The following STPG2 variants were observed in gnomAD, a reference collection of about 807,000 sequenced individuals.
STPG2 encodes sperm tail PG-rich repeat containing 2.
In STPG2, 56 loss-of-function variants were observed where a neutral mutation model predicts 54.2. The ratio of observed to expected loss-of-function variants is 1.03; its 90% CI spans 0.83 to 1.29. The LOEUF is 1.29. STPG2 is among the 50% of genes most tolerant of loss of function. The pLI is 0.00. For missense variants in STPG2, 596 were observed against 544.9 expected (o/e 1.09, Z -0.93); for synonymous variants, 200 against 181.8 (o/e 1.10, Z -0.81).
chr4:97,730,797 A>C (rs528208572), intron 9 of STPG2, among the ~76,000 whole-genome samples: 5 of 152,208 alleles, frequency 3.3e-5, no homozygotes, highest in Admixed American at 1.3e-4. Flanking sequence ...GCTTGTTCTA[A>C]TCTGTTATTA....
chr4:97,984,325 A>T (rs891662446), intron 5 of STPG2, among the ~76,000 whole-genome samples: 3 of 152,130 alleles, frequency 2.0e-5, no homozygotes, highest in African/African-American at 7.2e-5. Flanking sequence ...TTGTATTTTT[A>T]GTAGAGACTG....
At chr4:97,619,468 T>C (rs529469706) in intron 10 of STPG2, among the ~76,000 whole-genome samples, 18 of 152,240 alleles carry the variant, frequency 1.2e-4, no homozygotes, top group African/African-American at 4.1e-4. Context: ...TAGAGAACTA[T>C]TATATGTTTT....
chr4:97,449,291 C>G (rs1729307406), intron 4 of STPG2, among the ~76,000 whole-genome samples: 1 of 152,078 alleles, frequency 6.6e-6, no homozygotes, highest in Admixed American at 6.5e-5. Context: ...CAGATATTGA[C>G]TTTCCAGATG....
chr4:98,006,679 A>G (rs1251304823), intron 5 of STPG2, among the ~76,000 whole-genome samples: 1 of 152,192 alleles, frequency 6.6e-6, no homozygotes, highest in Non-Finnish European at 1.5e-5. Context: ...GGACAAGAAC[A>G]GGAAGAGATT....
chr4:97,784,188 G>T (rs1007581354), intron 9 of STPG2, among the ~76,000 whole-genome samples: 10 of 151,812 alleles, frequency 6.6e-5, no homozygotes, highest in African/African-American at 2.4e-4. Context: ...AGCCAAAAAT[G>T]AAGATTATAT....
chr4:97,475,214 A>G (rs1730040641), intron 4 of STPG2, among the ~76,000 whole-genome samples: 1 of 151,880 alleles, frequency 6.6e-6, no homozygotes, highest in Non-Finnish European at 1.5e-5. Flanking sequence ...TTAGCACTGA[A>G]TGTTTTCATT....
intron 8 of STPG2, among the ~76,000 whole-genome samples, chr4:97,920,469 C>CTTATCACACACAATTG (rs1293211295): frequency 5.9e-5 from 9 of 152,116 alleles, no homozygotes; most frequent in African/African-American, 2.2e-4. Context: ...ACTGGGGTGA[C>CTTATCACACACAATTG]TTATCACAAT....
In STPG2 at chr4:98,038,817, A is replaced by G. The variant is rs559501090; in HGVS notation, c.613-57499T>C. Among the ~76,000 whole-genome samples the G allele has an allele frequency of 1.4e-4, 22 of 152,234 alleles. No homozygotes were observed. In the East Asian group the frequency reaches 3.7e-3, roughly 25 times the overall value. On this transcript the variant is annotated intron_variant, in intron 5 of 10. Transcript: ENST00000295268. ...ACATTAGGACTGGTATCCAGAATACATAACAACTGCCTAAAAATCAACAGG... is the reference window on the plus strand; with the variant it reads ...ACATTAGGACTGGTATCCAGAATACGTAACAACTGCCTAAAAATCAACAGG...
intron 5 of STPG2, chr4:98,025,404 T>C (rs1350684713): frequency 5.3e-6 from 2 of 376,116 alleles, no homozygotes; most frequent in Admixed American, 3.2e-5. Context: ...GTTAAAGTTG[T>C]TAAGAATAAG....
intron 10 of STPG2, among the ~76,000 whole-genome samples, chr4:97,695,758 A>C (rs1723549511): frequency 6.6e-6 from 1 of 152,024 alleles, no homozygotes; most frequent in Non-Finnish European, 1.5e-5. Flanking sequence ...AGATGGAAAA[A>C]AAAAAAAAGA....
At chr4:97,985,227 T>C (rs1478148383) in intron 5 of STPG2, among the ~76,000 whole-genome samples, 1 of 152,212 alleles carries the variant, frequency 6.6e-6, no homozygotes, top group African/African-American at 2.4e-5. Context: ...TTTTCAACCA[T>C]GGCTGCTTAT....
At chr4:97,949,310 C>T (rs947258059) in intron 7 of STPG2, among the ~76,000 whole-genome samples, 2 of 151,984 alleles carry the variant, frequency 1.3e-5, no homozygotes, top group African/African-American at 4.8e-5. Context: ...ATATAAATCC[C>T]TCAATGTTAG....
At chr4:98,020,959 C>T (rs1316564522) in intron 5 of STPG2, among the ~76,000 whole-genome samples, 2 of 151,970 alleles carry the variant, frequency 1.3e-5, no homozygotes, top group Non-Finnish European at 2.9e-5. Flanking sequence ...TTGATCTTTT[C>T]AAAAAACCAG....
intron 5 of STPG2, among the ~76,000 whole-genome samples, chr4:97,984,760 T>C (rs913158899): frequency 8.5e-5 from 13 of 152,144 alleles, no homozygotes; most frequent in Non-Finnish European, 1.9e-4. Flanking sequence ...GATGCTGCGC[T>C]ACTTGGGACA....
rs1475223611 is a variant in STPG2 at position 97,870,322 on chromosome 4, A to C, written c.1045-29390T>G. Among the ~76,000 whole-genome samples, 4 of 151,628 alleles carry C rather than the reference A, an allele frequency of 2.6e-5. No homozygotes were observed. In the Admixed American group the frequency reaches 2.6e-4, roughly 10 times the overall value. On this transcript the variant is annotated intron_variant, in intron 8 of 10. Coordinates refer to ENST00000295268, the MANE Select transcript of STPG2 (RefSeq NM_174952.3). ...TAGAAACTACATATATTACTCACAG[A>C]AATAAATGTGAATAAACTTAACTCA... is the stretch of plus-strand genomic sequence containing the variant.
chr4:97,620,728 CA>C (rs1303525376), intron 10 of STPG2, among the ~76,000 whole-genome samples: 1 of 152,094 alleles, frequency 6.6e-6, no homozygotes, highest in Non-Finnish European at 1.5e-5. Flanking sequence ...CAATATTAGA[CA>C]GATCATCAAG....
intron 4 of STPG2, among the ~76,000 whole-genome samples, chr4:97,512,070 A>T (rs537361160): frequency 5.3e-5 from 8 of 152,194 alleles, no homozygotes; most frequent in African/African-American, 1.9e-4. Flanking sequence ...AAAATGTAAG[A>T]AGTTAACAAG....
intron 7 of STPG2, among the ~76,000 whole-genome samples, chr4:97,963,489 T>A (rs1046201018): frequency 6.6e-6 from 1 of 151,948 alleles, no homozygotes; most frequent in East Asian, 1.9e-4. Flanking sequence ...CTTGTCTCTA[T>A]GAAAAATTTT....
chr4:97,636,640 T>C (rs1389369825), intron 10 of STPG2, among the ~76,000 whole-genome samples: 1 of 151,244 alleles, frequency 6.6e-6, no homozygotes, highest in Non-Finnish European at 1.5e-5. Context: ...ATAGATGCAA[T>C]AAAAAATGAT....
Sources: allele counts gnomAD v4.1 joint callset (sites outside exome capture counted in the v4.1 genomes callset), GRCh38; gene constraint gnomAD v4.1.1; transcripts MANE v1.5; gene names NCBI Gene and HGNC (gene_info 2026-07-23, HGNC 2026-07-21).